Variants in METAP1D observed in about 807,000 individuals in gnomAD.
METAP1D encodes the protein methionyl aminopeptidase type 1D, mitochondrial.
A neutral mutation model predicts 40.5 loss-of-function variants in METAP1D; 31 were observed. The observed-to-expected ratio is 0.77, with a 90% CI of 0.58 to 1.03. METAP1D has a LOEUF of 1.03. METAP1D is among the 50% of genes least tolerant of loss of function. The probability of loss-of-function intolerance (pLI) is 0.00; values close to 1 mark genes in which losing one functional copy is unlikely to be tolerated. For synonymous variants in METAP1D, 151 were observed against 146.4 expected (o/e 1.03, Z -0.22); for missense variants, 411 against 420.7 (o/e 0.98, Z 0.20).
In METAP1D at chr2:172,045,830, T is replaced by TAC. The variant is rs1251357281; in HGVS notation, c.41-15667_41-15666insCA. On this transcript the variant is annotated intron_variant, in intron 1 of 9. Transcript: ENST00000315796. ...GTGTGTGTGTGTGTGTATATATATA[T>TAC]ATATATATATATATATATATATATA... Among the ~76,000 whole-genome samples the TAC allele has an allele frequency of 2.2e-4, 16 of 73,042 alleles. 1 individual carries two copies. The highest frequency in any genetic ancestry group is 1.7e-3 in the East Asian group (6 of 3,492). 47.9% of individuals were successfully genotyped at this position (73,042 alleles called of 152,430 possible). A position where few individuals can be genotyped will look rare whatever the true frequency, so the allele number is the denominator to read the frequency against.
Position 172,054,227 on chromosome 2 carries a change from A to G in METAP1D, c.41-7271A>G, listed in dbSNP as rs182479215. Among the ~76,000 whole-genome samples, 6 of 152,316 alleles carry G rather than the reference A, an allele frequency of 3.9e-5. No individual in the cohort carries two copies. In the East Asian group the frequency reaches 9.6e-4, roughly 24 times the overall value. ...TGTGCAGCAACATTCGTTATTTAAAATGCATTCCTCCTGGCCAGGCACGGT... is the reference window on the plus strand; with the variant it reads ...TGTGCAGCAACATTCGTTATTTAAAGTGCATTCCTCCTGGCCAGGCACGGT... On this transcript the variant is annotated intron_variant, in intron 1 of 9. Coordinates refer to ENST00000315796, the MANE Select transcript of METAP1D (RefSeq NM_199227.3).
intron 7 of METAP1D, among the ~76,000 whole-genome samples, chr2:172,078,315 C>T (rs899989434): frequency 2.0e-5 from 3 of 152,214 alleles, no homozygotes. Flanking sequence ...TCCTACACAG[C>T]GTTGACAGCT....
At chr2:172,056,583 G>C (rs915252063) in intron 1 of METAP1D, among the ~76,000 whole-genome samples, 1 of 152,194 alleles carries the variant, frequency 6.6e-6, no homozygotes, top group African/African-American at 2.4e-5. Flanking sequence ...CCAGAGCATG[G>C]CACATGCAAT....
intron 1 of METAP1D, among the ~76,000 whole-genome samples, chr2:172,055,309 T>A (rs1476347001): frequency 6.6e-6 from 1 of 152,220 alleles, no homozygotes. Flanking sequence ...TTAGATGTAG[T>A]TATAAGGTAT....
intron 1 of METAP1D, among the ~76,000 whole-genome samples, chr2:172,015,153 A>T (rs1688826270): frequency 6.6e-6 from 1 of 152,220 alleles, no homozygotes; most frequent in Admixed American, 6.5e-5. Flanking sequence ...TATATTTAGA[A>T]AATAATTAAG....
rs768471898 is a variant in METAP1D at position 172,040,382 on chromosome 2, G to T, written c.41-21116G>T. On this transcript the variant is annotated intron_variant, in intron 1 of 9. Coordinates refer to ENST00000315796, the MANE Select transcript of METAP1D (RefSeq NM_199227.3). ...TATATTTAAAAATATTAAAAAGTCC[G>T]TTTTTTTCTGTCAACTATATGGCAT... Among the ~76,000 whole-genome samples the T allele has an allele frequency of 9.2e-5, 14 of 152,200 alleles. No individual in the cohort carries two copies. The East Asian group carries it at 1.5e-3, about 17-fold the overall frequency.
chr2:172,025,954 AAT>A (rs1689111736), intron 1 of METAP1D, among the ~76,000 whole-genome samples: 1 of 152,220 alleles, frequency 6.6e-6, no homozygotes, highest in Non-Finnish European at 1.5e-5. Context: ...AAAATATTAA[AAT>A]ATAAGTACTC....
chr2:172,002,233 T>C (rs1013918986), intron 1 of METAP1D, among the ~76,000 whole-genome samples: 1 of 151,742 alleles, frequency 6.6e-6, no homozygotes, highest in Admixed American at 6.6e-5. Flanking sequence ...CCTGAAAACA[T>C]ACATAGGTGT....
In METAP1D at chr2:172,042,825, A is replaced by ATGTACACATATACGTGTGTGTGTG; in HGVS notation, c.41-18672_41-18671insGTACACATATACGTGTGTGTGTGT. On this transcript the variant is annotated intron_variant, in intron 1 of 9. Coordinates refer to ENST00000315796, the MANE Select transcript of METAP1D (RefSeq NM_199227.3). Reference sequence around the variant, plus strand: ...TATGTACACATATACGTGTGTGTGTATATGTACACATATACGTGTGTGTGT... The same window carrying ATGTACACATATACGTGTGTGTGTG: ...TATGTACACATATACGTGTGTGTGTATGTACACATATACGTGTGTGTGTGTATGTACACATATACGTGTGTGTGT... Among the ~76,000 whole-genome samples, 2 of 54,224 alleles carry ATGTACACATATACGTGTGTGTGTG rather than the reference A, an allele frequency of 3.7e-5. 1 individual carries two copies. The highest frequency in any genetic ancestry group is 1.2e-3 in the South Asian group (2 of 1,676). 35.6% of individuals were successfully genotyped at this position (54,224 alleles called of 152,430 possible). A position where few individuals can be genotyped will look rare whatever the true frequency, so the allele number is the denominator to read the frequency against.
At chr2:172,033,870 A>G (rs1425683566) in intron 1 of METAP1D, among the ~76,000 whole-genome samples, 1 of 150,830 alleles carries the variant, frequency 6.6e-6, no homozygotes, top group African/African-American at 2.4e-5. Flanking sequence ...GAGGTCAGGG[A>G]TTTGGGACCA....
chr2:172,075,353 C>T (rs572023154), intron 6 of METAP1D, among the ~76,000 whole-genome samples: 118 of 152,242 alleles, frequency 7.8e-4, no homozygotes, highest in Admixed American at 1.4e-3. Flanking sequence ...AGATTTTATC[C>T]GTGAAATGTC....
intron 1 of METAP1D, among the ~76,000 whole-genome samples, chr2:172,013,923 C>T (rs1214851080): frequency 2.7e-5 from 4 of 150,120 alleles, no homozygotes; most frequent in Non-Finnish European, 4.4e-5. Flanking sequence ...TGGGTTCAAG[C>T]GATTCTCCTG....
At chr2:172,053,433 A>G (rs1689932768) in intron 1 of METAP1D, among the ~76,000 whole-genome samples, 1 of 152,230 alleles carries the variant, frequency 6.6e-6, no homozygotes, top group African/African-American at 2.4e-5. Flanking sequence ...TAAAGTTAAT[A>G]TATTATTAAG....
At chr2:172,034,978 AT>A (rs1409024671) in intron 1 of METAP1D, among the ~76,000 whole-genome samples, 5 of 143,484 alleles carry the variant, frequency 3.5e-5, no homozygotes, top group African/African-American at 1.0e-4. Context: ...GATTGTTAGA[AT>A]TTTTTTCTTT....
intron 5 of METAP1D, among the ~76,000 whole-genome samples, chr2:172,070,327 CAT>C (rs1368467523): frequency 6.6e-6 from 1 of 152,158 alleles, no homozygotes; most frequent in Non-Finnish European, 1.5e-5. Flanking sequence ...CACTTCTAGA[CAT>C]AGGATTTTTC....
chr2:172,030,838 T>A (rs1427065895), intron 1 of METAP1D, among the ~76,000 whole-genome samples: 1 of 152,210 alleles, frequency 6.6e-6, no homozygotes, highest in Non-Finnish European at 1.5e-5. Flanking sequence ...AATTCTACAG[T>A]TAAGCTCACT....
rs887785266 is a variant in METAP1D at position 172,065,531 on chromosome 2, G to T, written c.349-73G>T. 8 of 1,446,884 alleles carry T rather than the reference G, an allele frequency of 5.5e-6. No individual in the cohort carries two copies. In the African/African-American group the frequency reaches 8.4e-5, roughly 15 times the overall value. 89.6% of individuals were successfully genotyped at this position (1,446,884 alleles called of 1,614,324 possible). On this transcript the variant is annotated intron_variant, in intron 3 of 9. Coordinates refer to ENST00000315796, the MANE Select transcript of METAP1D (RefSeq NM_199227.3). ...TACAGTCTCACATGGAAGTACTGTT[G>T]CTATAGCATAGTTGATAAATACAAG...
chr2:172,005,547 T>TC (rs1227539865), intron 1 of METAP1D, among the ~76,000 whole-genome samples: 158 of 56,108 alleles, frequency 2.8e-3, no homozygotes, highest in African/African-American at 6.5e-3. Flanking sequence ...TATATATATC[T>TC]TTTTTTTTTT....
At chr2:172,072,540 A>G (rs1050229891) in intron 6 of METAP1D, 2 of 166,376 alleles carry the variant, frequency 1.2e-5, no homozygotes, top group African/African-American at 4.8e-5. Flanking sequence ...TCAACTGCAG[A>G]AAAAAAAATT....
Sources: allele counts gnomAD v4.1 joint callset (sites outside exome capture counted in the v4.1 genomes callset), GRCh38; gene constraint gnomAD v4.1.1; transcripts MANE v1.5; gene names NCBI Gene and HGNC (gene_info 2026-07-23, HGNC 2026-07-21).